ABHD17C: variants seen among roughly 807,000 people sequenced by gnomAD.
ABHD17C encodes abhydrolase domain containing 17C, depalmitoylase.
ABHD17C carries 11 observed loss-of-function variants against 27.9 expected under a neutral mutation model. The observed-to-expected ratio is 0.39, with a 90% CI of 0.25 to 0.65. ABHD17C has a LOEUF of 0.65. ABHD17C is among the 30% of genes least tolerant of loss of function. The pLI, the probability that ABHD17C is intolerant of heterozygous loss-of-function variation, is 0.45. For synonymous variants in ABHD17C, 233 were observed against 209.1 expected, an observed-to-expected ratio of 1.11 and a Z score of -0.98; for missense variants, 280 against 470.2, an observed-to-expected ratio of 0.60 and a Z score of 3.74.
chr15:80,754,527 G>A lies in ABHD17C; in HGVS notation c.*157G>A. The A allele has an allele frequency of 1.6e-6, 1 of 629,430 alleles. No individual in the cohort carries two copies. The allele number at this position is 629,430 out of a possible 1,614,324, so 39.0% of individuals were successfully genotyped here. A position where few individuals can be genotyped will look rare whatever the true frequency, so the allele number is the denominator to read the frequency against. On this transcript the variant is annotated 3_prime_UTR_variant, in exon 3 of 3. Transcript: ENST00000258884. ...AGAGCTGATGAAATCTCAGTCTTTT[G>A]TATCTAGAGGTGGTTCTGCTAATTC...
At chr15:80,748,385 A>G (rs1895319889) in intron 1 of ABHD17C, among the ~76,000 whole-genome samples, 1 of 152,188 alleles carries the variant, frequency 6.6e-6, no homozygotes, top group African/African-American at 2.4e-5. Flanking sequence ...GCTTGTACTA[A>G]TTTACAAAGT....
chr15:80,733,797 A>G (rs1895088303), intron 1 of ABHD17C, among the ~76,000 whole-genome samples: 1 of 152,170 alleles, frequency 6.6e-6, no homozygotes, highest in Non-Finnish European at 1.5e-5. Flanking sequence ...TAGAAATTAG[A>G]TACTTGAGTT....
intron 1 of ABHD17C, among the ~76,000 whole-genome samples, chr15:80,717,977 C>T (rs1368339010): frequency 1.3e-5 from 2 of 152,182 alleles, no homozygotes; most frequent in Non-Finnish European, 2.9e-5. Flanking sequence ...CAGAGGTCTG[C>T]CTGGGGAGTC....
intron 1 of ABHD17C, among the ~76,000 whole-genome samples, chr15:80,745,454 G>A (rs1013859043): frequency 2.0e-5 from 3 of 151,154 alleles, no homozygotes; most frequent in Admixed American, 6.6e-5. Flanking sequence ...TGTTCACCTC[G>A]ACCTCCTGGG....
intron 1 of ABHD17C, among the ~76,000 whole-genome samples, chr15:80,715,414 A>G (rs981299210): frequency 1.3e-5 from 2 of 152,218 alleles, no homozygotes; most frequent in Admixed American, 6.5e-5. Flanking sequence ...TCCTGCCTAC[A>G]CTGTTTAATC....
intron 1 of ABHD17C, among the ~76,000 whole-genome samples, chr15:80,745,127 A>G (rs1313243627): frequency 6.6e-6 from 1 of 152,210 alleles, no homozygotes; most frequent in Non-Finnish European, 1.5e-5. Flanking sequence ...GACTTATAAA[A>G]GGAACACTTG....
chr15:80,741,021 G>A (rs965125531), intron 1 of ABHD17C, among the ~76,000 whole-genome samples: 6 of 152,124 alleles, frequency 3.9e-5, no homozygotes, highest in Non-Finnish European at 8.8e-5. Context: ...AGACATTGCC[G>A]TTGCCCACAT....
intron 1 of ABHD17C, among the ~76,000 whole-genome samples, chr15:80,732,742 G>A (rs992585212): frequency 2.6e-5 from 4 of 152,146 alleles, no homozygotes; most frequent in Non-Finnish European, 5.9e-5. Flanking sequence ...TCTGCCCAGC[G>A]GAAAGTGTCT....
chr15:80,716,612 G>A (rs543394160), intron 1 of ABHD17C, among the ~76,000 whole-genome samples: 56 of 152,220 alleles, frequency 3.7e-4, no homozygotes, highest in African/African-American at 1.3e-3. Flanking sequence ...CTAGTTCTCG[G>A]TTGTCATTCC....
intron 1 of ABHD17C, among the ~76,000 whole-genome samples, chr15:80,712,416 G>A (rs942203427): frequency 4.6e-5 from 7 of 152,228 alleles, no homozygotes; most frequent in East Asian, 1.9e-4. Flanking sequence ...GGATGTGAAT[G>A]TGTAGCCCAG....
intron 1 of ABHD17C, among the ~76,000 whole-genome samples, chr15:80,711,856 G>A (rs1416772996): frequency 2.0e-5 from 3 of 152,192 alleles, no homozygotes; most frequent in Non-Finnish European, 4.4e-5. Context: ...ATTGGAGTCT[G>A]TATTTCTCAG....
In ABHD17C at chr15:80,695,795, C is replaced by T; in HGVS notation, c.366C>T (p.Cys122=). The part of the protein sequence containing the change: ...SRTARDNRLG[C]MFVRCAPSSR... ...CGGCCCGGGACAACCGGCTCGGCTG[C>T]ATGTTCGTGCGCTGCGCGCCCTCCA... Residue 122 remains cysteine (C), a synonymous_variant, in exon 1 of 3, where the codon TGC becomes TGT. Coordinates refer to ENST00000258884, the MANE Select transcript of ABHD17C (RefSeq NM_021214.2). This position sits in a 1 kb window ranked among gnomAD's most constrained non-coding sequence, Gnocchi z 4.3. The T allele has an allele frequency of 6.5e-7, 1 of 1,550,262 alleles. No individual in the cohort carries two copies. The highest frequency in any genetic ancestry group is 1.2e-5 in the South Asian group (1 of 85,466).
intron 1 of ABHD17C, among the ~76,000 whole-genome samples, chr15:80,739,901 GTCTT>G (rs1458370371): frequency 2.6e-5 from 4 of 152,246 alleles, no homozygotes; most frequent in African/African-American, 9.6e-5. Context: ...TGGCCTGTTC[GTCTT>G]TCTTTTTAAG....
At chr15:80,726,938 G>A (rs953867837) in intron 1 of ABHD17C, among the ~76,000 whole-genome samples, 1 of 152,180 alleles carries the variant, frequency 6.6e-6, no homozygotes, top group Non-Finnish European at 1.5e-5. Flanking sequence ...TTACATGTCT[G>A]TAGTTTTCCT....
chr15:80,747,592 T>G (rs1895307625), intron 1 of ABHD17C, among the ~76,000 whole-genome samples: 1 of 152,154 alleles, frequency 6.6e-6, no homozygotes, highest in Non-Finnish European at 1.5e-5. Context: ...ATCAGTTGTT[T>G]CCTCAAACCT....
intron 1 of ABHD17C, among the ~76,000 whole-genome samples, chr15:80,726,836 C>T (rs1894987217): frequency 6.6e-6 from 1 of 152,122 alleles, no homozygotes; most frequent in Non-Finnish European, 1.5e-5. Context: ...TTTTTCTTTT[C>T]TTAACCTTTG....
chr15:80,733,991 ATTTATTTT>A lies in ABHD17C; in HGVS notation c.591-15517_591-15510del, dbSNP rs1221430547. On this transcript the variant is annotated intron_variant, in intron 1 of 2. Coordinates refer to ENST00000258884, the MANE Select transcript of ABHD17C (RefSeq NM_021214.2). Reference sequence around the variant, plus strand: ...TATTTATTTATTTATTTATTTATTTATTTATTTTTTTAAAACAGGGTCTGGCTCTGTCA... The same window carrying A: ...TATTTATTTATTTATTTATTTATTTATTTAAAACAGGGTCTGGCTCTGTCA... 3.5e-3 allele frequency among the ~76,000 whole-genome samples: 151 copies of A among 43,432 alleles called. 1 individual carries two copies. Among genetic ancestry groups the A allele is most frequent in the African/African-American group, 0.012 (129 of 11,172 alleles). The allele number at this position is 43,432 out of a possible 152,430, so 28.5% of individuals were successfully genotyped here.
intron 1 of ABHD17C, among the ~76,000 whole-genome samples, chr15:80,736,341 A>G (rs769218802): frequency 6.6e-6 from 1 of 152,190 alleles, no homozygotes; most frequent in African/African-American, 2.4e-5. Context: ...TAGGTGATTG[A>G]TGCTTTTTTC....
chr15:80,722,321 C>CTT (rs397964136), intron 1 of ABHD17C, among the ~76,000 whole-genome samples: 191 of 105,084 alleles, frequency 1.8e-3, no homozygotes, highest in African/African-American at 3.9e-3. Flanking sequence ...CCAAAGGAAT[C>CTT]TTTTTTTTTT....
Sources: gnomAD v4.1 joint callset for allele counts (sites outside exome capture counted in the v4.1 genomes callset) on GRCh38, gnomAD v4.1.1 for gene constraint, Gnocchi (gnomAD v3.1) non-coding constraint, MANE v1.5 for transcripts, NCBI Gene and HGNC (gene_info 2026-07-23, HGNC 2026-07-21) for gene names.